SREBF2: variants seen among roughly 807,000 people sequenced by gnomAD.
The protein encoded by SREBF2 is sterol regulatory element-binding protein 2.
SREBF2 carries 55 observed loss-of-function variants against 113.1 expected under a neutral mutation model. The ratio of observed to expected loss-of-function variants is 0.49; its 90% CI spans 0.39 to 0.61. The LOEUF is 0.61. Among genes scored for constraint, SREBF2 ranks in the 20% least tolerant of loss-of-function variants. The pLI, the probability that SREBF2 is intolerant of heterozygous loss-of-function variation, is 0.00. For synonymous variants in SREBF2, 593 were observed against 605.7 expected, an observed-to-expected ratio of 0.98 and a Z score of 0.31; for missense variants, 1,349 against 1,487.4, an observed-to-expected ratio of 0.91 and a Z score of 1.53.
Position 41,833,145 on chromosome 22 carries a change from G to T in SREBF2, c.-126G>T, listed in dbSNP as rs1402321861. On this transcript the variant is annotated 5_prime_UTR_variant, in exon 1 of 19. Transcript: ENST00000361204. This position sits in a 1 kb window ranked among gnomAD's most constrained non-coding sequence, Gnocchi z 4.1. ...CCGGGCGCAACGCAAACATGGCGGC[G>T]GGTGGCACCCGTCGGTGAGGCGGTG... The T allele has an allele frequency of 6.1e-6, 4 of 656,732 alleles. No homozygotes were observed. Among genetic ancestry groups the T allele is most frequent in the Non-Finnish European group, 9.3e-6 (4 of 428,860 alleles). The allele number at this position is 656,732 out of a possible 1,614,324, so 40.7% of individuals were successfully genotyped here. A position where few individuals can be genotyped will look rare whatever the true frequency, so the allele number is the denominator to read the frequency against.
In SREBF2 at chr22:41,877,939, T is replaced by A. The variant is rs753214862; in HGVS notation, c.1580-3T>A. On this transcript the variant is annotated splice_region_variant and splice_polypyrimidine_tract_variant and intron_variant, in intron 8 of 18. Transcript: ENST00000361204. ...CAGACTCTGCTGAGACGCTCCTTCTTAGGTTCTGGGGGCTGGTTTGACTGG... is the reference window on the plus strand; with the variant it reads ...CAGACTCTGCTGAGACGCTCCTTCTAAGGTTCTGGGGGCTGGTTTGACTGG... The A allele has an allele frequency of 6.2e-7, 1 of 1,614,134 alleles. No individual in the cohort carries two copies. Among genetic ancestry groups the A allele is most frequent in the East Asian group, 2.2e-5 (1 of 44,878 alleles).
chr22:41,898,426 A>T (rs2077434943), intron 14 of SREBF2, among the ~76,000 whole-genome samples: 1 of 152,186 alleles, frequency 6.6e-6, no homozygotes, highest in African/African-American at 2.4e-5. Flanking sequence ...CCAGGAATGA[A>T]CATTTTTAAG....
In SREBF2 at chr22:41,888,862, CT is replaced by C. The variant is rs529646404; in HGVS notation, c.2208+3852del. Among the ~76,000 whole-genome samples, 53 of 152,322 alleles carry C rather than the reference CT, an allele frequency of 3.5e-4. 1 individual carries two copies. In the East Asian group the frequency reaches 9.8e-3, roughly 28 times the overall value. On this transcript the variant is annotated intron_variant, in intron 11 of 18. Coordinates refer to ENST00000361204, the MANE Select transcript of SREBF2 (RefSeq NM_004599.4). ...TCATCTTTAAAGTAACTGCTCTTCTCTGTTTACTTCTCTTGAGAGAGGATAA... is the reference window on the plus strand; with the variant it reads ...TCATCTTTAAAGTAACTGCTCTTCTCGTTTACTTCTCTTGAGAGAGGATAA...
At chr22:41,871,315 T>C (rs189705066) in intron 4 of SREBF2, among the ~76,000 whole-genome samples, 56 of 152,222 alleles carry the variant, frequency 3.7e-4, no homozygotes, top group Non-Finnish European at 4.4e-5. Context: ...ACCATTCACC[T>C]CTTAGATCCT....
rs74805968 is a variant in SREBF2 at position 41,875,649 on chromosome 22, C to A, written c.1311C>A (p.Asp437Glu). 200 of 1,614,212 alleles carry A rather than the reference C, an allele frequency of 1.2e-4. No homozygotes were observed. The African/African-American group carries it at 2.5e-3, about 20-fold the overall frequency. ...TTCTGATGTCCCCCCCAGCCTCTGACTCAGGGTCCCAGGCTGGCTTCTCTC... is the reference window on the plus strand; with the variant it reads ...TTCTGATGTCCCCCCCAGCCTCTGAATCAGGGTCCCAGGCTGGCTTCTCTC... ...NVLLMSPPASDSGSQAGFSPY... is the reference protein window; with the variant it reads ...NVLLMSPPASESGSQAGFSPY... The change falls in exon 7 of 19, where the codon GAC (aspartate) becomes GAA (glutamate). Residue 437 changes from aspartate to glutamate, a missense_variant. By Grantham distance (45) the Asp-to-Glu change is conservative. Coordinates refer to ENST00000361204, the MANE Select transcript of SREBF2 (RefSeq NM_004599.4).
intron 16 of SREBF2, 151 bp from the exon 17 acceptor site, chr22:41,902,819 C>G (rs764583823): frequency 2.3e-6 from 2 of 853,776 alleles, no homozygotes; most frequent in Non-Finnish European, 3.9e-6. Flanking sequence ...TGTTCCCTCA[C>G]GTCCTGCGGA....
intron 1 of SREBF2, among the ~76,000 whole-genome samples, chr22:41,842,887 G>A (rs1024833731): frequency 5.9e-5 from 9 of 152,134 alleles, no homozygotes; most frequent in African/African-American, 2.2e-4. Context: ...CTACGTGGGA[G>A]GCTGAGGCAG....
At position 41,905,943 on chromosome 22, in the gene SREBF2, C is replaced by T. The variant is rs1275633754; in HGVS notation, c.*283C>T. 5 of 635,510 alleles carry T rather than the reference C, an allele frequency of 7.9e-6. No homozygotes were observed. The highest frequency in any genetic ancestry group is 4.2e-5 in the Admixed American group (2 of 47,632). 39.4% of individuals were successfully genotyped at this position (635,510 alleles called of 1,614,324 possible). On this transcript the variant is annotated 3_prime_UTR_variant, in exon 19 of 19. Transcript: ENST00000361204. ...CAGGGGGAGCTCCCAAGCTGCCAAGCCCCTGCCTCCAGCCTTCCTGAGTTT... is the reference window on the plus strand; with the variant it reads ...CAGGGGGAGCTCCCAAGCTGCCAAGTCCCTGCCTCCAGCCTTCCTGAGTTT...
At chr22:41,899,882 C>A in intron 15 of SREBF2, 3 of 1,049,916 alleles carry the variant, frequency 2.9e-6, no homozygotes, top group Non-Finnish European at 3.5e-6. Flanking sequence ...CCTCCCCCAT[C>A]CCTAGCCTCC....
At chr22:41,890,751 T>A (rs1423499483) in intron 11 of SREBF2, among the ~76,000 whole-genome samples, 2 of 150,702 alleles carry the variant, frequency 1.3e-5, no homozygotes, top group Non-Finnish European at 3.0e-5. Context: ...CTACTAAAAA[T>A]ATAAAAATTA....
intron 1 of SREBF2, among the ~76,000 whole-genome samples, chr22:41,843,356 G>GC (rs1481989191): frequency 1.3e-5 from 2 of 152,240 alleles, no homozygotes; most frequent in African/African-American, 4.8e-5. Context: ...TTTGTACTGG[G>GC]CTCCAGGTTC....
At position 41,898,780 on chromosome 22, in the gene SREBF2, G is replaced by C. The variant is rs772079797; in HGVS notation, c.2737G>C (p.Glu913Gln). The change falls in exon 15 of 19, where the codon GAG (glutamate) becomes CAG (glutamine). Residue 913 changes from glutamate (E) to glutamine (Q), a missense_variant and splice_region_variant. Physicochemically the swap from Glu to Gln is conservative, Grantham distance 29. Transcript: ENST00000361204. The stretch of plus-strand genomic sequence containing the variant: ...CATCCCCAAGGCCCTGGAAGTGACA[G>C]AGTGCGTAACCCTCCTTGGCCACTC... ...ERIPKALEVTESPLVKAIFHA... is the reference protein window; with the variant it reads ...ERIPKALEVTQSPLVKAIFHA... The C allele has an allele frequency of 4.3e-6, 7 of 1,614,060 alleles. No individual in the cohort carries two copies. In the South Asian group the frequency reaches 6.6e-5, roughly 15 times the overall value.
At position 41,880,925 on chromosome 22, in the gene SREBF2, C is replaced by T. The variant is rs778125858; in HGVS notation, c.1971C>T (p.Asp657=). The change falls in exon 10 of 19, where the codon GAC becomes GAT. Residue 657 remains aspartate, a synonymous_variant. Transcript: ENST00000361204. ...CAGCCACTGAGGCAGGCTTTGAAGA[C>T]GAAGCTAAGACCAGCGCCCGGGATG... The part of the protein sequence containing the change: ...ATPATEAGFE[D]EAKTSARDAA... 23 of 1,613,294 alleles carry T rather than the reference C, an allele frequency of 1.4e-5. No individual in the cohort carries two copies. The highest frequency in any genetic ancestry group is 1.2e-4 in the African/African-American group (9 of 74,946).
At position 41,850,864 on chromosome 22, in the gene SREBF2, C is replaced by T. The variant is rs558187925; in HGVS notation, c.89-15967C>T. Among the ~76,000 whole-genome samples the T allele has an allele frequency of 1.5e-3, 227 of 152,218 alleles. 1 individual carries two copies. Among genetic ancestry groups the T allele is most frequent in the African/African-American group, 5.2e-3 (216 of 41,528 alleles). Reference sequence around the variant, plus strand: ...CAAGTGATTCTCCTGCCTCAGCCTCCCGAGTAGCTCGGATTACAGGTGCCC... The same window carrying T: ...CAAGTGATTCTCCTGCCTCAGCCTCTCGAGTAGCTCGGATTACAGGTGCCC... On this transcript the variant is annotated intron_variant, in intron 1 of 18. Transcript: ENST00000361204.
At chr22:41,875,008 A>G (rs2077181688) in intron 5 of SREBF2, among the ~76,000 whole-genome samples, 2 of 152,186 alleles carry the variant, frequency 1.3e-5, no homozygotes, top group African/African-American at 4.8e-5. Context: ...TTATTATAAG[A>G]AGTGGGAACA....
chr22:41,905,137 AGGGGTTG>A (rs1273538486), intron 18 of SREBF2, among the ~76,000 whole-genome samples, 163 bp downstream of exon 18: 2 of 152,184 alleles, frequency 1.3e-5, no homozygotes, highest in Non-Finnish European at 2.9e-5. Context: ...GGTGGGTTGC[AGGGGTTG>A]GGGTGGTCAT....
Position 41,884,692 on chromosome 22 carries a change from C to T in SREBF2, c.2039-150C>T, listed in dbSNP as rs570911580. 1.5e-4 allele frequency: 120 copies of T among 805,446 alleles called. No individual in the cohort carries two copies. In the African/African-American group the frequency reaches 1.9e-3, roughly 13 times the overall value. The allele number at this position is 805,446 out of a possible 1,614,324, so 49.9% of individuals were successfully genotyped here. A position where few individuals can be genotyped will look rare whatever the true frequency, so the allele number is the denominator to read the frequency against. On this transcript the variant is annotated intron_variant, in intron 10 of 18. Coordinates refer to ENST00000361204, the MANE Select transcript of SREBF2 (RefSeq NM_004599.4). ...ACAGCCAGTATATCACAGAGCCTGG[C>T]ATCCCATCCTGTGATCAGGCCTGTC...
chr22:41,854,503 C>T (rs192641968), intron 1 of SREBF2, among the ~76,000 whole-genome samples: 36 of 151,958 alleles, frequency 2.4e-4, no homozygotes, highest in Admixed American at 1.8e-3. Context: ...GTGCTTGAAG[C>T]GGTACAGGGA....
Position 41,867,283 on chromosome 22 carries a change from G to A in SREBF2, c.538+3G>A. ...GAATGCAGCTACTAGCTTTCAAGGT[G>A]ATTCAGAAGTTAGAATGGTAGTGGT... is the stretch of plus-strand genomic sequence containing the variant. On this transcript the variant is annotated splice_donor_region_variant and intron_variant, in intron 2 of 18. Transcript: ENST00000361204. The A allele has an allele frequency of 6.2e-7, 1 of 1,614,122 alleles. No homozygotes were observed. The highest frequency in any genetic ancestry group is 8.5e-7 in the Non-Finnish European group (1 of 1,180,016).
Sources: allele counts gnomAD v4.1 joint callset (sites outside exome capture counted in the v4.1 genomes callset), GRCh38; gene constraint gnomAD v4.1.1; non-coding constraint Gnocchi (gnomAD v3.1); transcripts MANE v1.5; gene names NCBI Gene and HGNC (gene_info 2026-07-23, HGNC 2026-07-21).